CWF19L2: variants seen among roughly 807,000 people sequenced by gnomAD.
CWF19L2 encodes CWF19 like cell cycle control factor 2, also known as CWF19-like protein 2.
In CWF19L2, 98 loss-of-function variants were observed where a neutral mutation model predicts 111.7. That is an observed-to-expected ratio of 0.88 (90% confidence interval 0.75 to 1.04). The LOEUF (loss-of-function observed/expected upper bound fraction) is 1.04, where lower values mean the gene tolerates loss of function less well. Ranked by LOEUF, CWF19L2 falls within the 50% of genes least tolerant of loss-of-function variation. The pLI is 0.00. For missense variants in CWF19L2, 1,101 were observed against 1,051.4 expected (o/e 1.05, Z -0.65); for synonymous variants, 351 against 342.9 (o/e 1.02, Z -0.26).
At position 107,405,850 on chromosome 11, in the gene CWF19L2, A is replaced by AAAAAGAAG. The variant is rs5794548; in HGVS notation, c.1617+10358_1617+10359insCTTCTTTT. Among the ~76,000 whole-genome samples, 6 of 141,848 alleles carry AAAAAGAAG rather than the reference A, an allele frequency of 4.2e-5. No homozygotes were observed. The South Asian group carries it at 1.1e-3, about 26-fold the overall frequency. The allele number at this position is 141,848 out of a possible 152,430, so 93.1% of individuals were successfully genotyped here. A position where few individuals can be genotyped will look rare whatever the true frequency, so the allele number is the denominator to read the frequency against. On this transcript the variant is annotated intron_variant, in intron 10 of 17. Coordinates refer to ENST00000282251, the MANE Select transcript of CWF19L2 (RefSeq NM_152434.3). ...AATATGAAGCAAGCCAAAAAAAAAA[A>AAAAAGAAG]AAGAAGAAGAAGAAGAAGATAATGC...
Position 107,326,640 on chromosome 11 carries a change from C to T in CWF19L2, c.*270G>A, listed in dbSNP as rs1038881204. 4 of 295,896 alleles carry T rather than the reference C, an allele frequency of 1.4e-5. No homozygotes were observed. The highest frequency in any genetic ancestry group is 6.5e-5 in the African/African-American group (3 of 46,340). 18.3% of individuals were successfully genotyped at this position (295,896 alleles called of 1,614,324 possible). A position where few individuals can be genotyped will look rare whatever the true frequency, so the allele number is the denominator to read the frequency against. ...CCTTCTCTAAATTAACTGAACAATTCGGAATACCAAGAAGTAGGTAGAGAG... is the reference window on the plus strand; with the variant it reads ...CCTTCTCTAAATTAACTGAACAATTTGGAATACCAAGAAGTAGGTAGAGAG... On this transcript the variant is annotated 3_prime_UTR_variant, in exon 18 of 18. Coordinates refer to ENST00000282251, the MANE Select transcript of CWF19L2 (RefSeq NM_152434.3).
intron 12 of CWF19L2, among the ~76,000 whole-genome samples, chr11:107,379,918 G>T (rs571406788): frequency 6.6e-6 from 1 of 151,496 alleles, no homozygotes; most frequent in African/African-American, 2.4e-5. Context: ...AAAATTAGCC[G>T]GGCATGGTTG....
intron 12 of CWF19L2, among the ~76,000 whole-genome samples, chr11:107,384,328 G>A (rs1860734375): frequency 6.6e-6 from 1 of 152,060 alleles, no homozygotes; most frequent in South Asian, 2.1e-4. Context: ...CTTGGGGATG[G>A]GACCTAAGTC....
At chr11:107,389,953 G>A in intron 12 of CWF19L2, 121 bp downstream of exon 12, 1 of 822,310 alleles carries the variant, frequency 1.2e-6, no homozygotes, top group Non-Finnish European at 1.9e-6. Flanking sequence ...TCTTACAAAG[G>A]ATTTAATTTA....
intron 8 of CWF19L2, among the ~76,000 whole-genome samples, chr11:107,419,673 T>A (rs948801686): frequency 1.3e-5 from 2 of 151,982 alleles, no homozygotes; most frequent in Non-Finnish European, 2.9e-5. Flanking sequence ...AGATAAAAAA[T>A]ATATGGGTAA....
intron 6 of CWF19L2, among the ~76,000 whole-genome samples, chr11:107,433,996 T>C (rs1361133081): frequency 3.4e-5 from 5 of 145,674 alleles, no homozygotes; most frequent in Non-Finnish European, 7.5e-5. Context: ...ATAAGAAAAT[T>C]GCAATCTAAG....
At chr11:107,345,386 A>G (rs1293749128) in intron 14 of CWF19L2, 3 of 400,922 alleles carry the variant, frequency 7.5e-6, no homozygotes, top group Non-Finnish European at 1.5e-5. Flanking sequence ...AATAACAATA[A>G]TAAAAGTTTA....
intron 1 of CWF19L2, among the ~76,000 whole-genome samples, chr11:107,457,309 C>T (rs979305612): frequency 6.6e-6 from 1 of 152,116 alleles, no homozygotes; most frequent in Admixed American, 6.5e-5. Flanking sequence ...TCAAGTGTGA[C>T]TTGAATGTGT....
intron 12 of CWF19L2, 60 bp from the exon 13 acceptor site, chr11:107,353,796 C>T: frequency 2.5e-6 from 3 of 1,224,356 alleles, no homozygotes; most frequent in Middle Eastern, 1.9e-4. Context: ...TTTTACTGCA[C>T]TGTGGTATCC....
chr11:107,440,872 C>T (rs750828693), intron 5 of CWF19L2, among the ~76,000 whole-genome samples: 10 of 152,050 alleles, frequency 6.6e-5, no homozygotes, highest in Non-Finnish European at 1.3e-4. Context: ...CATTTCTCAC[C>T]CATTTATTAG....
Position 107,327,036 on chromosome 11 carries a change from C to G in CWF19L2, c.2559G>C (p.Met853Ile), listed in dbSNP as rs1232580214. The G allele has an allele frequency of 2.5e-6, 4 of 1,602,830 alleles. No individual in the cohort carries two copies. Reference protein sequence around the residue: ...HYFGKEIIGGMLDIEPRLWRK... With the variant: ...HYFGKEIIGGILDIEPRLWRK... ...TCCAAAGTCTTGGTTCTATATCCAG[C>G]ATCCCACCTATGATTTCCTTTTAAA... The change falls in exon 18 of 18, where the codon ATG becomes ATC. Residue 853 changes from methionine to isoleucine, a missense_variant. Physicochemically the swap from Met to Ile is conservative, Grantham distance 10. Transcript: ENST00000282251.
At chr11:107,440,206 G>A (rs560177763) in intron 5 of CWF19L2, among the ~76,000 whole-genome samples, 1 of 152,130 alleles carries the variant, frequency 6.6e-6, no homozygotes. Context: ...CCCTGGGAGT[G>A]GGGGGTTAGA....
chr11:107,429,050 T>G lies in CWF19L2; in HGVS notation c.1182A>C (p.Ala394=), dbSNP rs745855109. The part of the protein sequence containing the change: ...RKFEPLSSSS[A]LVAQGSLCSG... ...TACACAAAGAGCCCTGAGCTACCAA[T>G]GCTGAAGATGAACTAAGTGGTTCAA... The change falls in exon 8 of 18, where the codon GCA becomes GCC. Residue 394 remains alanine, a synonymous_variant. Transcript: ENST00000282251. The G allele has an allele frequency of 6.2e-7, 1 of 1,613,780 alleles. No individual in the cohort carries two copies. The highest frequency in any genetic ancestry group is 8.5e-7 in the Non-Finnish European group (1 of 1,179,842).
chr11:107,434,911 T>C (rs952758223), intron 6 of CWF19L2, among the ~76,000 whole-genome samples: 1 of 152,100 alleles, frequency 6.6e-6, no homozygotes, highest in Non-Finnish European at 1.5e-5. Flanking sequence ...TTTCATTTTA[T>C]GAAAATGATC....
Position 107,367,683 on chromosome 11 carries a change from G to T in CWF19L2, c.1873-13947C>A, listed in dbSNP as rs539739580. Among the ~76,000 whole-genome samples the T allele has an allele frequency of 3.9e-5, 3 of 76,106 alleles. 1 individual carries two copies. The highest frequency in any genetic ancestry group is 5.8e-5 in the African/African-American group (1 of 17,276). The allele number at this position is 76,106 out of a possible 152,430, so 49.9% of individuals were successfully genotyped here. ...CACACTCTGGGGACTGTTGTGGGGT[G>T]GGGGGAGGGGGGAGGGATAGCATTG... On this transcript the variant is annotated intron_variant, in intron 12 of 17. Transcript: ENST00000282251.
rs1465285181 is a variant in CWF19L2 at position 107,375,419 on chromosome 11, C to T, written c.1872+14655G>A. On this transcript the variant is annotated intron_variant, in intron 12 of 17. Transcript: ENST00000282251. ...AAAAGAACAGAAATTATAACAAATTCTCTCTCAGACCACAGTGCAATCAAA... is the reference window on the plus strand; with the variant it reads ...AAAAGAACAGAAATTATAACAAATTTTCTCTCAGACCACAGTGCAATCAAA... 2.9e-5 allele frequency among the ~76,000 whole-genome samples: 4 copies of T among 138,226 alleles called. No homozygotes were observed. In the South Asian group the frequency reaches 9.8e-4, roughly 34 times the overall value. 90.7% of individuals were successfully genotyped at this position (138,226 alleles called of 152,430 possible). A position where few individuals can be genotyped will look rare whatever the true frequency, so the allele number is the denominator to read the frequency against.
chr11:107,371,651 T>C (rs181771002), intron 12 of CWF19L2, among the ~76,000 whole-genome samples: 1 of 138,064 alleles, frequency 7.2e-6, no homozygotes, highest in Non-Finnish European at 1.6e-5. Flanking sequence ...AAAATATTTA[T>C]ATTCAATTCT....
Position 107,353,575 on chromosome 11 carries a change from A to G in CWF19L2, c.2034T>C (p.Cys678=), listed in dbSNP as rs1444124021. ...GCTTGGGAAATTGAGAGCTGTCAAA[A>G]CAATACAGACATTTTTCCATTTGTG... ...LAAQMEKCLY[C]FDSSQFPKHL... Residue 678 remains cysteine, a synonymous_variant, in exon 13 of 18, where the codon TGT becomes TGC. Transcript: ENST00000282251. The G allele has an allele frequency of 1.2e-6, 2 of 1,613,688 alleles. No homozygotes were observed. Among genetic ancestry groups the G allele is most frequent in the African/African-American group, 1.3e-5 (1 of 74,930 alleles).
intron 10 of CWF19L2, chr11:107,403,445 T>C: frequency 1.3e-6 from 1 of 791,514 alleles, no homozygotes; most frequent in Non-Finnish European, 2.3e-6. Flanking sequence ...CGGTGGCTCT[T>C]CCACTGTTGT....
Sources: gnomAD v4.1 joint callset for allele counts (sites outside exome capture counted in the v4.1 genomes callset) on GRCh38, gnomAD v4.1.1 for gene constraint, MANE v1.5 for transcripts, NCBI Gene and HGNC (gene_info 2026-07-23, HGNC 2026-07-21) for gene names.